The following ZMYND8 variants were observed in gnomAD, a reference collection of about 807,000 sequenced individuals.
ZMYND8 encodes zinc finger MYND-type containing 8, also known as MYND-type zinc finger-containing chromatin reader ZMYND8.
ZMYND8 carries 37 observed loss-of-function variants against 140.8 expected under a neutral mutation model. The ratio of observed to expected loss-of-function variants is 0.26; its 90% CI spans 0.20 to 0.35. The LOEUF is 0.35. ZMYND8 is among the 10% of genes least tolerant of loss of function. The pLI is 1.00. For missense variants in ZMYND8, 1,068 were observed against 1,570.0 expected, an observed-to-expected ratio of 0.68 and a Z score of 5.40; for synonymous variants, 592 against 597.1, an observed-to-expected ratio of 0.99 and a Z score of 0.12.
chr20:47,344,454 C>A (rs2082174722), intron 2 of ZMYND8, among the ~76,000 whole-genome samples: 1 of 152,146 alleles, frequency 6.6e-6, no homozygotes, highest in African/African-American at 2.4e-5. Flanking sequence ...AAATACCCGA[C>A]CAGTATTCCT....
In ZMYND8 at chr20:47,209,275, G is replaced by C. The variant is rs1012444992; in HGVS notation, c.*1486C>G. 5.9e-5 allele frequency: 9 copies of C among 152,034 alleles called. No individual in the cohort carries two copies. The highest frequency in any genetic ancestry group is 1.5e-5 in the Non-Finnish European group (1 of 68,022). 9.4% of individuals were successfully genotyped at this position (152,034 alleles called of 1,614,324 possible). A position where few individuals can be genotyped will look rare whatever the true frequency, so the allele number is the denominator to read the frequency against. Reference sequence around the variant, plus strand: ...AGAAATCTGAAAAAACTGGGGGGGTGGGGGAAGGAACGGGCAAACCCAAAA... The same window carrying C: ...AGAAATCTGAAAAAACTGGGGGGGTCGGGGAAGGAACGGGCAAACCCAAAA... On this transcript the variant is annotated 3_prime_UTR_variant, in exon 23 of 23. Coordinates refer to ENST00000471951, the MANE Select transcript of ZMYND8 (RefSeq NM_001281775.3).
chr20:47,319,929 G>A (rs78324377), intron 2 of ZMYND8: 2 of 133,916 alleles, frequency 1.5e-5, no homozygotes, highest in African/African-American at 5.7e-5. Context: ...CTTCAAACTC[G>A]ACCGGAACAC....
At chr20:47,283,914 C>A (rs2147885417) in intron 8 of ZMYND8, among the ~76,000 whole-genome samples, 1 of 151,988 alleles carries the variant, frequency 6.6e-6, no homozygotes, top group African/African-American at 2.4e-5. Flanking sequence ...CCCTGCAGAG[C>A]AGCCACAGCC....
chr20:47,222,218 C>G (rs1445850187), intron 19 of ZMYND8, among the ~76,000 whole-genome samples: 4 of 152,210 alleles, frequency 2.6e-5, no homozygotes, highest in African/African-American at 9.7e-5. Context: ...CTGGAGATGG[C>G]AGAAACTTGG....
intron 1 of ZMYND8, chr20:47,352,581 G>A (rs988840993): frequency 2.2e-5 from 21 of 973,176 alleles, no homozygotes; most frequent in Non-Finnish European, 2.4e-5. Flanking sequence ...AGTGGATAAC[G>A]TCATTTACTG....
In ZMYND8 at chr20:47,257,579, C is replaced by T. The variant is rs532205365; in HGVS notation, c.1621+4709G>A. Among the ~76,000 whole-genome samples, 21 of 151,944 alleles carry T rather than the reference C, an allele frequency of 1.4e-4. No homozygotes were observed. The South Asian group carries it at 4.0e-3, about 29-fold the overall frequency. On this transcript the variant is annotated intron_variant, in intron 12 of 22. Transcript: ENST00000471951. ...CATATACCATATACTCATCATATAC[C>T]ATACACACATACATATACTCAAATA...
At chr20:47,311,812 G>A (rs1198662840) in intron 2 of ZMYND8, among the ~76,000 whole-genome samples, 4 of 151,970 alleles carry the variant, frequency 2.6e-5, no homozygotes, top group African/African-American at 9.7e-5. Flanking sequence ...AGAGGTTGTA[G>A]TGAGCCGAGA....
At chr20:47,262,457 AG>A (rs1294326147) in intron 11 of ZMYND8, 29 bp from the exon 12 acceptor site, 1 of 1,613,208 alleles carries the variant, frequency 6.2e-7, no homozygotes. Context: ...GTTAAAAGAC[AG>A]GTTTACAAAT....
chr20:47,282,812 C>T (rs114366263), intron 9 of ZMYND8, among the ~76,000 whole-genome samples: 4,700 of 151,964 alleles, frequency 0.031, 243 homozygotes, highest in African/African-American at 0.11. Context: ...ACGAGCAAGA[C>T]ATTTCACCTT....
intron 14 of ZMYND8, among the ~76,000 whole-genome samples, chr20:47,240,795 C>A (rs1405977342): frequency 6.6e-6 from 1 of 151,370 alleles, no homozygotes; most frequent in Non-Finnish European, 1.5e-5. Context: ...ACCTCATGAT[C>A]CATCCGCCTT....
Position 47,276,321 on chromosome 20 carries a change from C to T in ZMYND8, c.1473G>A (p.Lys491=), listed in dbSNP as rs753678233. 3 of 1,561,562 alleles carry T rather than the reference C, an allele frequency of 1.9e-6. No homozygotes were observed. Among genetic ancestry groups the T allele is most frequent in the South Asian group, 1.2e-5 (1 of 83,926 alleles). Residue 491 remains lysine, a synonymous_variant, in exon 11 of 23, where the codon AAG becomes AAA. Coordinates refer to ENST00000471951, the MANE Select transcript of ZMYND8 (RefSeq NM_001281775.3). ...ASEESMDFLD[K]STASPASTKT... is the part of the protein sequence containing the mutation. ...CCCCCGCACGGAGCTGACCTGTGCT[C>T]TTATCCAGGAAGTCCATGGACTCCT...
chr20:47,341,475 TGA>T (rs2081874820), intron 2 of ZMYND8, among the ~76,000 whole-genome samples: 1 of 144,610 alleles, frequency 6.9e-6, no homozygotes, highest in South Asian at 2.1e-4. Context: ...TGCAGTTAGC[TGA>T]GAGTGCACCA....
intron 8 of ZMYND8, chr20:47,285,807 C>G: frequency 1.0e-6 from 1 of 984,854 alleles, no homozygotes; most frequent in Non-Finnish European, 1.2e-6. Context: ...AAATTCTGTT[C>G]TTCCTACGAG....
rs201437972 is a variant in ZMYND8, at chr20:47,221,372, G to A, written c.3359C>T (p.Thr1120Met). 70 of 1,614,072 alleles carry A rather than the reference G, an allele frequency of 4.3e-5. No homozygotes were observed. Among genetic ancestry groups the A allele is most frequent in the African/African-American group, 1.2e-4 (9 of 74,928 alleles). Residue 1120 changes from threonine (T) to methionine (M), a missense_variant, in exon 20 of 23, where the codon ACG becomes ATG. Thr to Met is a moderately conservative substitution (Grantham distance 81). Coordinates refer to ENST00000471951, the MANE Select transcript of ZMYND8 (RefSeq NM_001281775.3). ...SSSTQSAPSE[T>M]ASASKEKETS... Reference sequence around the variant, plus strand: ...CTCCTTCTCTTTGGAGGCGCTGGCCGTTTCTGAAGGTGCTGATTGTGTGCT... The same window carrying A: ...CTCCTTCTCTTTGGAGGCGCTGGCCATTTCTGAAGGTGCTGATTGTGTGCT...
At chr20:47,219,649 C>T (rs2036652233) in intron 21 of ZMYND8, among the ~76,000 whole-genome samples, 1 of 151,950 alleles carries the variant, frequency 6.6e-6, no homozygotes, top group African/African-American at 2.4e-5. Flanking sequence ...CTGGAATGAC[C>T]CAAAACTGCT....
chr20:47,228,181 T>C lies in ZMYND8; in HGVS notation c.2938-900A>G, dbSNP rs6066245. Among the ~76,000 whole-genome samples, 1,022 of 152,226 alleles carry C rather than the reference T, an allele frequency of 6.7e-3. 6 individuals carry two copies. The highest frequency in any genetic ancestry group is 0.01 in the Middle Eastern group (3 of 294). On this transcript the variant is annotated intron_variant, in intron 17 of 22. Transcript: ENST00000471951. ...TCTTAACTGGGGCAATTTCGAGTAC[T>C]CTCCCCTGTCATGAGAATGTCTGGA...
intron 18 of ZMYND8, among the ~76,000 whole-genome samples, chr20:47,226,151 TAAA>T (rs3092455): frequency 3.8e-5 from 5 of 132,192 alleles, no homozygotes; most frequent in East Asian, 2.2e-4. Context: ...GACTCTGTCT[TAAA>T]AAAAAAAAAA....
intron 11 of ZMYND8, among the ~76,000 whole-genome samples, chr20:47,270,326 T>C (rs1232295703): frequency 8.0e-6 from 1 of 125,690 alleles, no homozygotes; most frequent in Non-Finnish European, 1.6e-5. Context: ...TGAGCCAAGA[T>C]CGCACCATTG....
intron 21 of ZMYND8, among the ~76,000 whole-genome samples, chr20:47,219,989 G>C (rs1395343293): frequency 6.6e-6 from 1 of 152,014 alleles, no homozygotes; most frequent in Non-Finnish European, 1.5e-5. Flanking sequence ...CCTACCCCAG[G>C]TCAGCAACAG....
Sources: gnomAD v4.1 joint callset for allele counts (sites outside exome capture counted in the v4.1 genomes callset) on GRCh38, gnomAD v4.1.1 for gene constraint, MANE v1.5 for transcripts, NCBI Gene and HGNC (gene_info 2026-07-23, HGNC 2026-07-21) for gene names.